The following KLHL1 variants were observed in gnomAD, a reference collection of about 807,000 sequenced individuals.
KLHL1 encodes the protein kelch like family member 1, also known as kelch-like protein 1.
In KLHL1, 47 loss-of-function variants were observed where a neutral mutation model predicts 77.7. The ratio of observed to expected loss-of-function variants is 0.60; its 90% CI spans 0.48 to 0.77. The LOEUF is 0.77. Ranked by LOEUF, KLHL1 falls within the 30% of genes least tolerant of loss-of-function variation. KLHL1 has a pLI of 0.00. For missense variants in KLHL1, 925 were observed against 910.8 expected, an observed-to-expected ratio of 1.02 and a Z score of -0.20; for synonymous variants, 360 against 325.2, an observed-to-expected ratio of 1.11 and a Z score of -1.15.
intron 9 of KLHL1, among the ~76,000 whole-genome samples, chr13:69,717,175 TAATAA>T (rs1872804388): frequency 6.6e-6 from 1 of 152,150 alleles, no homozygotes; most frequent in Non-Finnish European, 1.5e-5. Context: ...CCTTGTGATA[TAATAA>T]AATGTGATCT....
chr13:69,929,586 T>C (rs1278668970), intron 4 of KLHL1, among the ~76,000 whole-genome samples: 1 of 151,880 alleles, frequency 6.6e-6, no homozygotes, highest in Non-Finnish European at 1.5e-5. Context: ...CCTTTAATTT[T>C]GGTGGTGCTG....
chr13:69,748,389 G>A (rs895267342), intron 7 of KLHL1, among the ~76,000 whole-genome samples: 4 of 152,008 alleles, frequency 2.6e-5, no homozygotes, highest in African/African-American at 7.2e-5. Flanking sequence ...TTACATGGTG[G>A]CAGCAAGAGA....
intron 3 of KLHL1, among the ~76,000 whole-genome samples, chr13:69,944,367 GA>G (rs1357382322): frequency 2.6e-5 from 4 of 152,194 alleles, no homozygotes; most frequent in African/African-American, 9.6e-5. Context: ...GGAACCCTTG[GA>G]AGTCTGTACC....
At chr13:70,009,842 T>A (rs900790302) in intron 1 of KLHL1, among the ~76,000 whole-genome samples, 7 of 152,162 alleles carry the variant, frequency 4.6e-5, no homozygotes, top group African/African-American at 1.7e-4. Context: ...TATTCCCATG[T>A]AACATATTTT....
intron 1 of KLHL1, among the ~76,000 whole-genome samples, chr13:70,106,036 A>G (rs980569278): frequency 2.6e-5 from 4 of 151,092 alleles, no homozygotes; most frequent in Non-Finnish European, 4.4e-5. Context: ...TTTTAAATCT[A>G]TAACCACATA....
chr13:70,018,165 T>C (rs954158271), intron 1 of KLHL1, among the ~76,000 whole-genome samples: 7 of 152,182 alleles, frequency 4.6e-5, no homozygotes, highest in East Asian at 1.9e-4. Context: ...CAAATCCTAA[T>C]ATAGCATTTA....
At chr13:70,014,627 A>C (rs1034870062) in intron 1 of KLHL1, among the ~76,000 whole-genome samples, 7 of 152,232 alleles carry the variant, frequency 4.6e-5, no homozygotes, top group Middle Eastern at 3.4e-3. Flanking sequence ...GTATAATGAA[A>C]ATCTCCAAGA....
At chr13:69,994,703 G>T (rs1386729361) in intron 1 of KLHL1, among the ~76,000 whole-genome samples, 1 of 152,102 alleles carries the variant, frequency 6.6e-6, no homozygotes, top group Non-Finnish European at 1.5e-5. Flanking sequence ...TACTTACCAA[G>T]AATCCAGAGG....
At chr13:69,932,210 G>T (rs768925840) in intron 4 of KLHL1, among the ~76,000 whole-genome samples, 47 of 151,736 alleles carry the variant, frequency 3.1e-4, no homozygotes, top group Admixed American at 5.9e-4. Context: ...ATGCATAACT[G>T]ATTTTTACCT....
intron 1 of KLHL1, among the ~76,000 whole-genome samples, chr13:70,079,570 T>C (rs1299237966): frequency 6.6e-6 from 1 of 152,326 alleles, no homozygotes. Context: ...AGGAACAGAC[T>C]AATGTTTTTG....
chr13:69,891,316 A>G (rs1316580916), intron 4 of KLHL1, among the ~76,000 whole-genome samples: 1 of 152,042 alleles, frequency 6.6e-6, no homozygotes, highest in Non-Finnish European at 1.5e-5. Flanking sequence ...GAGAGTATTA[A>G]TTTTTTAAAA....
At chr13:69,855,329 TAGATAGATAGATAGATAGACAGAC>T (rs202198030) in intron 5 of KLHL1, among the ~76,000 whole-genome samples, 1,370 of 113,180 alleles carry the variant, frequency 0.012, 25 homozygotes, top group South Asian at 0.046. Context: ...GATAGATAGA[TAGATAGATAGATAGATAGACAGAC>T]AGATAGATAC....
At chr13:70,066,352 C>A (rs1055926423) in intron 1 of KLHL1, among the ~76,000 whole-genome samples, 4 of 152,086 alleles carry the variant, frequency 2.6e-5, no homozygotes, top group Admixed American at 2.6e-4. Context: ...TTATTGAATA[C>A]CTACTATACG....
At chr13:69,989,200 C>A (rs1004549132) in intron 1 of KLHL1, among the ~76,000 whole-genome samples, 1 of 151,966 alleles carries the variant, frequency 6.6e-6, no homozygotes, top group Non-Finnish European at 1.5e-5. Flanking sequence ...ATTCCAGCAC[C>A]ATTTATTGAA....
At chr13:69,765,706 G>A (rs964777547) in intron 7 of KLHL1, among the ~76,000 whole-genome samples, 2 of 152,172 alleles carry the variant, frequency 1.3e-5, no homozygotes, top group Non-Finnish European at 2.9e-5. Flanking sequence ...GCTAGATAGA[G>A]TGATTTGACC....
intron 7 of KLHL1, among the ~76,000 whole-genome samples, chr13:69,757,332 CATA>C (rs1874795296): frequency 6.6e-6 from 1 of 151,938 alleles, no homozygotes; most frequent in Non-Finnish European, 1.5e-5. Flanking sequence ...AATAATTTAA[CATA>C]ATAATCAAAA....
At chr13:69,958,155 T>C (rs1174223005) in intron 3 of KLHL1, among the ~76,000 whole-genome samples, 3 of 151,668 alleles carry the variant, frequency 2.0e-5, no homozygotes, top group Non-Finnish European at 4.4e-5. Flanking sequence ...CTTTACATAT[T>C]TTTTTCTTTT....
chr13:69,816,083 T>G (rs1479018996), intron 6 of KLHL1, among the ~76,000 whole-genome samples: 1 of 151,614 alleles, frequency 6.6e-6, no homozygotes, highest in Non-Finnish European at 1.5e-5. Context: ...TATCAGAAAA[T>G]TTACTTAGGC....
intron 6 of KLHL1, 104 bp downstream of exon 6, chr13:69,838,872 A>T: frequency 1.6e-6 from 1 of 638,324 alleles, no homozygotes; most frequent in Non-Finnish European, 2.4e-6. Context: ...TACAATAATT[A>T]AAGCTGAGTT....
Sources: allele counts gnomAD v4.1 joint callset (sites outside exome capture counted in the v4.1 genomes callset), GRCh38; gene constraint gnomAD v4.1.1; transcripts MANE v1.5; gene names NCBI Gene and HGNC (gene_info 2026-07-23, HGNC 2026-07-21).